DMD: variants seen among roughly 807,000 people sequenced by gnomAD.
DMD encodes dystrophin, also known as mutant dystrophin.
In DMD, 63 loss-of-function variants were observed where a neutral mutation model predicts 330.1. That is an observed-to-expected ratio of 0.19 (90% CI 0.16 to 0.24). DMD has a LOEUF of 0.24. DMD is among the 10% of genes least tolerant of loss of function. DMD has a pLI of 1.00. For missense variants in DMD, 3,344 were observed against 2,684.1 expected, an observed-to-expected ratio of 1.25 and a Z score of -5.43; for synonymous variants, 1,223 against 959.8, an observed-to-expected ratio of 1.27 and a Z score of -5.07.
chrX:32,162,657 T>C (rs12012526), intron 44 of DMD, among the ~76,000 whole-genome samples: 1,640 of 90,636 alleles, frequency 0.018, 47 homozygotes, highest in African/African-American at 0.065. Context: ...TGGAATGCAA[T>C]GGCACAATCT....
At chrX:32,777,601 A>G (rs777221126) in intron 7 of DMD, among the ~76,000 whole-genome samples, 1 of 111,458 alleles carries the variant, frequency 9.0e-6, no homozygotes, top group South Asian at 3.8e-4. Context: ...CAGTTTTCCA[A>G]AAGAAATCGG....
At chrX:32,045,929 T>C (rs1243187754) in intron 44 of DMD, among the ~76,000 whole-genome samples, 2 of 112,412 alleles carry the variant, frequency 1.8e-5, no homozygotes, top group Non-Finnish European at 3.8e-5. Context: ...ATAAATTGAC[T>C]GACAATTTCA....
chrX:32,034,314 C>T (rs977702410), intron 44 of DMD, among the ~76,000 whole-genome samples: 6 of 111,723 alleles, frequency 5.4e-5, no homozygotes, highest in African/African-American at 1.9e-4. Context: ...TAGAAAAGAA[C>T]AGGTAAAATT....
chrX:31,593,545 T>C lies in DMD; in HGVS notation c.8217+34128A>G, dbSNP rs765026536. On this transcript the variant is annotated intron_variant, in intron 55 of 78. Coordinates refer to ENST00000357033, the MANE Select transcript of DMD (RefSeq NM_004006.3). ...AAATGTCATTTGAGCCTCTCTTATC[T>C]GATTGTTTACAGAGCAAAAAGAAAA... Among the ~76,000 whole-genome samples, 19 of 111,505 alleles carry C rather than the reference T, an allele frequency of 1.7e-4. No individual in the cohort carries two copies. In the South Asian group the frequency reaches 7.0e-3, roughly 41 times the overall value.
At chrX:32,483,700 G>A (rs1432483511) in intron 21 of DMD, among the ~76,000 whole-genome samples, 3 of 101,778 alleles carry the variant, frequency 2.9e-5, no homozygotes, top group African/African-American at 1.1e-4. Context: ...TTCCCAAATT[G>A]ATTTTGCAGA....
intron 7 of DMD, among the ~76,000 whole-genome samples, chrX:32,760,884 T>C (rs930109438): frequency 9.9e-5 from 11 of 111,608 alleles, no homozygotes; most frequent in African/African-American, 3.6e-4. Flanking sequence ...TGATTTTCTA[T>C]ACCTTGAATA....
At chrX:31,849,526 G>C (rs771045979) in intron 48 of DMD, among the ~76,000 whole-genome samples, 1 of 110,640 alleles carries the variant, frequency 9.0e-6, no homozygotes, top group African/African-American at 3.3e-5. Context: ...AACATGCAAA[G>C]ACAGGAAGCA....
intron 60 of DMD, among the ~76,000 whole-genome samples, chrX:31,393,715 C>T (rs902648976): frequency 2.7e-5 from 3 of 111,191 alleles, no homozygotes; most frequent in East Asian, 5.6e-4. Context: ...ATTATTACTC[C>T]TATTGAACAG....
At chrX:31,333,407 CTTTTTTTTTTT>C (rs145925904) in intron 61 of DMD, among the ~76,000 whole-genome samples, 2 of 39,338 alleles carry the variant, frequency 5.1e-5, no homozygotes, top group African/African-American at 1.0e-4. Context: ...CTGCCCCCGC[CTTTTTTTTTTT>C]TTTTTTTTTT....
Position 32,484,988 on chromosome X carries a change from C to T in DMD, c.2734G>A (p.Val912Met), listed in dbSNP as rs201549805. The change falls in exon 21 of 79, where the codon GTG becomes ATG. Residue 912 changes from valine to methionine, a missense_variant. Val to Met is a conservative substitution (Grantham distance 21). Coordinates refer to ENST00000357033, the MANE Select transcript of DMD (RefSeq NM_004006.3). ...TGCTTAAAATGATTTGTAAAGGCCACAAAGTCTGCATCCAGGAACATGGGT... is the reference window on the plus strand; with the variant it reads ...TGCTTAAAATGATTTGTAAAGGCCATAAAGTCTGCATCCAGGAACATGGGT... ...QGPMFLDADF[V>M]AFTNHFKQVF... 6.6e-6 allele frequency: 8 copies of T among 1,209,916 alleles called. No homozygotes were observed. The highest frequency in any genetic ancestry group is 5.9e-5 in the East Asian group (2 of 33,738).
At chrX:32,908,303 A>C (rs1375891168) in intron 2 of DMD, among the ~76,000 whole-genome samples, 1 of 111,893 alleles carries the variant, frequency 8.9e-6, no homozygotes, top group Non-Finnish European at 1.9e-5. Context: ...TATATTTTCC[A>C]TGGGAAATAT....
At chrX:32,944,193 G>T (rs933251867) in intron 2 of DMD, among the ~76,000 whole-genome samples, 1 of 112,098 alleles carries the variant, frequency 8.9e-6, no homozygotes, top group African/African-American at 3.2e-5. Context: ...CTTAAAATTA[G>T]GCAATGCATT....
chrX:32,351,163 T>C (rs2097780494), intron 37 of DMD, among the ~76,000 whole-genome samples: 1 of 111,057 alleles, frequency 9.0e-6, no homozygotes, highest in African/African-American at 3.3e-5. Flanking sequence ...AACTTCTATG[T>C]GTCCATCCAA....
Position 32,909,528 on chromosome X carries a change from T to A in DMD, c.94-59708A>T, listed in dbSNP as rs150465827. Among the ~76,000 whole-genome samples the A allele has an allele frequency of 2.6e-3, 293 of 111,123 alleles. 5 individuals are homozygous for A. The East Asian group carries it at 0.06, about 23-fold the overall frequency. ...ATTTTCTTGAAGTAACAGTAGAGAG[T>A]CAAGCCTTGTAGGAGAACAGATATT... On this transcript the variant is annotated intron_variant, in intron 2 of 78. Coordinates refer to ENST00000357033, the MANE Select transcript of DMD (RefSeq NM_004006.3).
At chrX:31,855,774 C>T (rs757914670) in intron 48 of DMD, among the ~76,000 whole-genome samples, 30 of 111,060 alleles carry the variant, frequency 2.7e-4, no homozygotes, top group Non-Finnish European at 4.5e-4. Context: ...CTTCTGAATA[C>T]TCTTCCTAAA....
chrX:32,260,943 T>C (rs968158), intron 43 of DMD, among the ~76,000 whole-genome samples: 12,491 of 109,340 alleles, frequency 0.11, 739 homozygotes, highest in Admixed American at 0.15. Context: ...TAAGTTAGGG[T>C]TTATAAGTGC....
chrX:33,004,529 T>C (rs192384351), intron 2 of DMD, among the ~76,000 whole-genome samples: 8 of 111,748 alleles, frequency 7.2e-5, no homozygotes, highest in Admixed American at 5.7e-4. Context: ...TTTAATATGA[T>C]AGTTTTCCCT....
At chrX:32,703,323 G>C (rs780414544) in intron 7 of DMD, among the ~76,000 whole-genome samples, 1 of 111,401 alleles carries the variant, frequency 9.0e-6, no homozygotes, top group Non-Finnish European at 1.9e-5. Flanking sequence ...TGTAAAGTTT[G>C]TTGAACCTTA....
At chrX:32,995,715 A>G (rs1372285831) in intron 2 of DMD, among the ~76,000 whole-genome samples, 2 of 112,050 alleles carry the variant, frequency 1.8e-5, no homozygotes, top group Non-Finnish European at 3.8e-5. Flanking sequence ...AATAATGTAG[A>G]CTTCATAAAT....
Sources: allele counts gnomAD v4.1 joint callset (sites outside exome capture counted in the v4.1 genomes callset), GRCh38; gene constraint gnomAD v4.1.1; transcripts MANE v1.5; gene names NCBI Gene and HGNC (gene_info 2026-07-23, HGNC 2026-07-21).